The following PODXL2 variants were observed in gnomAD, a reference collection of about 807,000 sequenced individuals.
PODXL2 encodes podocalyxin like 2.
PODXL2 carries 17 observed loss-of-function variants against 53.4 expected under a neutral mutation model. The observed-to-expected ratio is 0.32, with a 90% CI of 0.22 to 0.48. The LOEUF is 0.48. PODXL2 is among the 20% of genes least tolerant of loss of function. The pLI is 0.99. For missense variants in PODXL2, 673 were observed against 760.0 expected (o/e 0.89, Z 1.35); for synonymous variants, 311 against 306.7 (o/e 1.01, Z -0.15).
intron 5 of PODXL2, 109 bp from the exon 6 acceptor site, chr3:127,669,032 G>A (rs1010607462): frequency 3.0e-6 from 2 of 664,024 alleles, no homozygotes; most frequent in Non-Finnish European, 5.2e-6. Context: ...TTTGAGCCAG[G>A]AAGGGAGACA....
At chr3:127,646,316 G>A (rs1353341028) in intron 2 of PODXL2, among the ~76,000 whole-genome samples, 1 of 151,956 alleles carries the variant, frequency 6.6e-6, no homozygotes, top group Non-Finnish European at 1.5e-5. Context: ...TCACCTCTCA[G>A]CACAGTGATT....
Position 127,662,294 on chromosome 3 carries a change from A to G in PODXL2, c.1189A>G (p.Thr397Ala). ...AGKNYIILNM[T>A]ENIDCEVFRQ... ...GAAAAACTACATCATTCTGAACATG[A>G]CAGAGAACATAGACTGTGTGAGTGC... The change falls in exon 4 of 8, where the codon ACA (threonine) becomes GCA (alanine). Residue 397 changes from threonine (T) to alanine (A), a missense_variant. Thr to Ala is a moderately conservative substitution (Grantham distance 58, BLOSUM62 0). This residue lies in a region of PODXL2 where 588 missense variants were observed against 668.3 expected (regional missense o/e 0.88). Transcript: ENST00000342480. The G allele has an allele frequency of 1.2e-6, 2 of 1,613,892 alleles. No homozygotes were observed. The highest frequency in any genetic ancestry group is 1.7e-6 in the Non-Finnish European group (2 of 1,179,878).
At chr3:127,644,156 G>A (rs1242583834) in intron 2 of PODXL2, among the ~76,000 whole-genome samples, 2 of 152,174 alleles carry the variant, frequency 1.3e-5, no homozygotes, top group South Asian at 2.1e-4. Flanking sequence ...CTGTTGCCCA[G>A]GCTGGAGTGC....
At chr3:127,641,759 GC>G (rs2074622233) in intron 2 of PODXL2, among the ~76,000 whole-genome samples, 1 of 151,028 alleles carries the variant, frequency 6.6e-6, no homozygotes, top group South Asian at 2.1e-4. Context: ...CAGGTGATGT[GC>G]CCACCTCGGC....
At chr3:127,646,498 C>G (rs1706448493) in intron 2 of PODXL2, among the ~76,000 whole-genome samples, 1 of 152,012 alleles carries the variant, frequency 6.6e-6, no homozygotes, top group Admixed American at 6.6e-5. Context: ...AGTGATTCTC[C>G]TGCCTCAGCC....
intron 1 of PODXL2, among the ~76,000 whole-genome samples, 181 bp from the exon 2 acceptor site, chr3:127,639,064 T>G (rs1349734361): frequency 2.6e-5 from 4 of 152,220 alleles, no homozygotes; most frequent in Admixed American, 2.6e-4. Context: ...TCTAAGCAAT[T>G]TGGCCTTTTT....
chr3:127,650,850 G>A (rs984268787), intron 2 of PODXL2, among the ~76,000 whole-genome samples: 5 of 152,006 alleles, frequency 3.3e-5, no homozygotes, highest in Admixed American at 6.5e-5. Context: ...TAGTAGAGAC[G>A]GGGTTTCACC....
chr3:127,657,796 C>T (rs2074734283), intron 2 of PODXL2, among the ~76,000 whole-genome samples: 1 of 152,214 alleles, frequency 6.6e-6, no homozygotes, highest in South Asian at 2.1e-4. Flanking sequence ...TGTTTTCATG[C>T]ATTATATCTT....
At chr3:127,641,057 A>C (rs1397500665) in intron 2 of PODXL2, among the ~76,000 whole-genome samples, 1 of 151,996 alleles carries the variant, frequency 6.6e-6, no homozygotes, top group Admixed American at 6.6e-5. Context: ...GATTACAGGC[A>C]TGCGCCATCA....
At chr3:127,653,177 A>C (rs2107709644) in intron 2 of PODXL2, among the ~76,000 whole-genome samples, 1 of 152,228 alleles carries the variant, frequency 6.6e-6, no homozygotes, top group Admixed American at 6.5e-5. Context: ...TGGACACCTG[A>C]GTGGGAAAAG....
chr3:127,646,957 A>G (rs988151642), intron 2 of PODXL2, among the ~76,000 whole-genome samples: 7 of 152,158 alleles, frequency 4.6e-5, no homozygotes, highest in Non-Finnish European at 4.4e-5. Flanking sequence ...GGACTTTGTC[A>G]TACATCCCAT....
intron 2 of PODXL2, among the ~76,000 whole-genome samples, chr3:127,657,538 C>A (rs560512646): frequency 6.6e-6 from 1 of 152,188 alleles, no homozygotes; most frequent in Non-Finnish European, 1.5e-5. Context: ...GCTCTTTTCT[C>A]ATCATCTCCA....
Position 127,672,174 on chromosome 3 carries a change from G to A in PODXL2, c.1606-94G>A, listed in dbSNP as rs918100356. 1.9e-5 allele frequency: 18 copies of A among 933,420 alleles called. No homozygotes were observed. The African/African-American group carries it at 2.8e-4, about 14-fold the overall frequency. The allele number at this position is 933,420 out of a possible 1,614,324, so 57.8% of individuals were successfully genotyped here. A position where few individuals can be genotyped will look rare whatever the true frequency, so the allele number is the denominator to read the frequency against. ...CTGGCACCTGTGGAGGGTGCCGCGG[G>A]AACCCCCTGGGTGGGGTTGCACAGA... On this transcript the variant is annotated intron_variant, in intron 7 of 7. Transcript: ENST00000342480.
chr3:127,639,928 G>T (rs1430829070), intron 2 of PODXL2, among the ~76,000 whole-genome samples: 2 of 152,196 alleles, frequency 1.3e-5, no homozygotes, highest in African/African-American at 4.8e-5. Flanking sequence ...GGGGCTCATT[G>T]TTTTGTTTTT....
chr3:127,632,104 A>G (rs1183815244), intron 1 of PODXL2, among the ~76,000 whole-genome samples: 1 of 152,236 alleles, frequency 6.6e-6, no homozygotes, highest in African/African-American at 2.4e-5. Flanking sequence ...ACACCAGACC[A>G]CAGTACTGTG....
chr3:127,653,212 CTG>C (rs1401158346), intron 2 of PODXL2, among the ~76,000 whole-genome samples: 1 of 152,230 alleles, frequency 6.6e-6, no homozygotes, highest in Non-Finnish European at 1.5e-5. Context: ...TCTCTCAAAA[CTG>C]TCTCACCTGC....
chr3:127,634,472 C>T (rs766680647), intron 1 of PODXL2, among the ~76,000 whole-genome samples: 21 of 150,162 alleles, frequency 1.4e-4, no homozygotes, highest in Middle Eastern at 3.5e-3. Flanking sequence ...CCTGTAATCC[C>T]GGCACTTTGG....
At chr3:127,630,094 G>C (rs1015907309) in intron 1 of PODXL2, among the ~76,000 whole-genome samples, 6 of 152,182 alleles carry the variant, frequency 3.9e-5, no homozygotes, top group Non-Finnish European at 1.5e-5. Context: ...ATGGCTTCCA[G>C]CGCAGACGGG....
intron 2 of PODXL2, among the ~76,000 whole-genome samples, chr3:127,659,539 G>T (rs2107542290): frequency 6.6e-6 from 1 of 152,204 alleles, no homozygotes. Flanking sequence ...GCCAATAAAA[G>T]TTGCTTCCTA....
Sources: gnomAD v4.1 joint callset for allele counts (sites outside exome capture counted in the v4.1 genomes callset) on GRCh38, gnomAD v4.1.1 for gene constraint, gnomAD v4.1.1 regional missense constraint, MANE v1.5 for transcripts, NCBI Gene and HGNC (gene_info 2026-07-23, HGNC 2026-07-21) for gene names.